The following ASZ1 variants were observed in gnomAD, a reference collection of about 807,000 sequenced individuals.
The protein encoded by ASZ1 is ankyrin repeat, SAM and basic leucine zipper domain-containing protein 1.
A neutral mutation model predicts 61.8 loss-of-function variants in ASZ1; 67 were observed. The observed-to-expected ratio is 1.08, with a 90% CI of 0.89 to 1.33. ASZ1 has a LOEUF of 1.33. Ranked by LOEUF, ASZ1 falls within the 40% of genes most tolerant of loss-of-function variation. The pLI, the probability that ASZ1 is intolerant of heterozygous loss-of-function variation, is 0.00. For synonymous variants in ASZ1, 193 were observed against 192.7 expected, an observed-to-expected ratio of 1.00 and a Z score of -0.01; for missense variants, 577 against 554.5, an observed-to-expected ratio of 1.04 and a Z score of -0.41.
chr7:117,426,488 C>CAAAAAAAAAAAAAAAAAAAA (rs10625452), intron 2 of ASZ1, among the ~76,000 whole-genome samples: 22 of 33,980 alleles, frequency 6.5e-4, no homozygotes, highest in African/African-American at 1.3e-3. Flanking sequence ...GATAACATCT[C>CAAAAAAAAAAAAAAAAAAAA]AAAAAAAAAA....
intron 2 of ASZ1, among the ~76,000 whole-genome samples, 172 bp downstream of exon 2, chr7:117,426,664 C>G (rs7784156): frequency 0.55 from 84,228 of 151,840 alleles, 26,780 homozygotes; most frequent in African/African-American, 0.88. Context: ...CAAATGCAAG[C>G]AGAGAGGAAG....
intron 4 of ASZ1, among the ~76,000 whole-genome samples, chr7:117,406,406 T>C (rs942679497): frequency 7.2e-5 from 11 of 152,088 alleles, no homozygotes; most frequent in African/African-American, 2.7e-4. Flanking sequence ...TGTGGGTAAA[T>C]CCAAATAAAA....
At chr7:117,370,846 G>GTC (rs1303660839) in intron 10 of ASZ1, among the ~76,000 whole-genome samples, 75 of 151,406 alleles carry the variant, frequency 5.0e-4, no homozygotes, top group Admixed American at 1.3e-3. Flanking sequence ...GTGTGTGTGT[G>GTC]TGTGACAGAG....
intron 4 of ASZ1, among the ~76,000 whole-genome samples, chr7:117,414,751 G>C (rs139943700): frequency 1.3e-5 from 2 of 152,120 alleles, no homozygotes; most frequent in Non-Finnish European, 2.9e-5. Context: ...TTCTGTTCTT[G>C]TGTTAGTTTG....
At chr7:117,385,911 A>G in intron 4 of ASZ1, 102 bp from the exon 5 acceptor site, 4 of 898,734 alleles carry the variant, frequency 4.5e-6, no homozygotes, top group Non-Finnish European at 6.7e-6. Flanking sequence ...TGCTTTGAAA[A>G]CGAAAAGAAA....
intron 11 of ASZ1, 140 bp from the exon 12 acceptor site, chr7:117,367,605 A>G: frequency 8.7e-7 from 1 of 1,155,260 alleles, no homozygotes; most frequent in East Asian, 3.3e-5. Flanking sequence ...AAATACTGAC[A>G]CCAAAAATAA....
At chr7:117,384,975 T>C (rs1043396989) in intron 5 of ASZ1, 115 bp from the exon 6 acceptor site, 2 of 933,168 alleles carry the variant, frequency 2.1e-6, no homozygotes, top group Non-Finnish European at 1.5e-6. Context: ...AGTTAATTAA[T>C]GGAATGATGC....
chr7:117,425,410 C>T (rs953214065), intron 2 of ASZ1, among the ~76,000 whole-genome samples: 1 of 151,536 alleles, frequency 6.6e-6, no homozygotes, highest in African/African-American at 2.4e-5. Flanking sequence ...GGACTACAGG[C>T]GCCCGCCACC....
At chr7:117,378,008 G>C (rs1268379420) in intron 10 of ASZ1, among the ~76,000 whole-genome samples, 1 of 151,928 alleles carries the variant, frequency 6.6e-6, no homozygotes, top group East Asian at 1.9e-4. Context: ...ATGAACCTCA[G>C]CCTAAACCTC....
chr7:117,411,466 C>T (rs1796888050), intron 4 of ASZ1, among the ~76,000 whole-genome samples: 1 of 151,592 alleles, frequency 6.6e-6, no homozygotes, highest in African/African-American at 2.4e-5. Flanking sequence ...TTGTTCAAAC[C>T]ACAAAGCCTA....
rs548804588 is a variant in ASZ1 at position 117,394,102 on chromosome 7, C to G, written c.441-8293G>C. Among the ~76,000 whole-genome samples, 6 of 152,054 alleles carry G rather than the reference C, an allele frequency of 3.9e-5. No homozygotes were observed. The South Asian group carries it at 1.0e-3, about 26-fold the overall frequency. ...CAAATTTATCATAAATACTCTCCCC[C>G]ACCCTGGCCCCCCTTTTTAGGAGAC... On this transcript the variant is annotated intron_variant, in intron 4 of 12. Transcript: ENST00000284629.
At chr7:117,417,917 C>T (rs1797026355) in intron 4 of ASZ1, among the ~76,000 whole-genome samples, 1 of 152,228 alleles carries the variant, frequency 6.6e-6, no homozygotes, top group African/African-American at 2.4e-5. Context: ...AGTTTTGAAA[C>T]TGCCTTATAG....
intron 10 of ASZ1, among the ~76,000 whole-genome samples, chr7:117,379,133 T>TTTTATATATATA (rs1491302490): frequency 9.6e-6 from 1 of 104,656 alleles, no homozygotes; most frequent in African/African-American, 3.5e-5. Context: ...TGTGATAAAA[T>TTTTATATATATA]TATATATATA....
intron 2 of ASZ1, among the ~76,000 whole-genome samples, chr7:117,426,362 C>T (rs1050419881): frequency 3.3e-5 from 5 of 150,064 alleles, no homozygotes; most frequent in East Asian, 2.0e-4. Flanking sequence ...TGGTGTCACG[C>T]GCTTGTAGTC....
intron 4 of ASZ1, among the ~76,000 whole-genome samples, chr7:117,397,221 G>A (rs1328915059): frequency 2.6e-5 from 4 of 151,458 alleles, no homozygotes; most frequent in East Asian, 1.9e-4. Context: ...GAACTGAACC[G>A]AACCGAACCG....
intron 6 of ASZ1, among the ~76,000 whole-genome samples, chr7:117,384,228 A>G (rs1249461852): frequency 6.6e-6 from 1 of 152,118 alleles, no homozygotes; most frequent in Non-Finnish European, 1.5e-5. Flanking sequence ...TGAGTTTAAC[A>G]TCTGAATGAC....
At chr7:117,418,664 A>G (rs1797043543) in intron 4 of ASZ1, among the ~76,000 whole-genome samples, 1 of 149,290 alleles carries the variant, frequency 6.7e-6, no homozygotes, top group African/African-American at 2.5e-5. Flanking sequence ...AAAAAAAAAA[A>G]AAATGTTTGC....
intron 4 of ASZ1, among the ~76,000 whole-genome samples, chr7:117,415,469 A>C (rs1169199701): frequency 6.6e-6 from 1 of 152,202 alleles, no homozygotes; most frequent in Non-Finnish European, 1.5e-5. Flanking sequence ...AGTACAGTAC[A>C]ATAAGATATT....
intron 10 of ASZ1, among the ~76,000 whole-genome samples, chr7:117,371,671 T>C: frequency 6.7e-6 from 1 of 148,210 alleles, no homozygotes; most frequent in East Asian, 1.9e-4. Context: ...AGTACACTTA[T>C]AACTTAGATT....
Sources: allele counts gnomAD v4.1 joint callset (sites outside exome capture counted in the v4.1 genomes callset), GRCh38; gene constraint gnomAD v4.1.1; transcripts MANE v1.5; gene names NCBI Gene and HGNC (gene_info 2026-07-23, HGNC 2026-07-21).